LCP2: variants seen among roughly 807,000 people sequenced by gnomAD.
LCP2 encodes the protein lymphocyte cytosolic protein 2.
LCP2 carries 29 observed loss-of-function variants against 74.5 expected under a neutral mutation model. The observed-to-expected ratio is 0.39, with a 90% CI of 0.29 to 0.53. The LOEUF (loss-of-function observed/expected upper bound fraction) is 0.53. Ranked by LOEUF, LCP2 falls within the 20% of genes least tolerant of loss-of-function variation. LCP2 has a pLI of 0.72. For missense variants in LCP2, 604 were observed against 634.6 expected, an observed-to-expected ratio of 0.95 and a Z score of 0.52; for synonymous variants, 228 against 229.5, an observed-to-expected ratio of 0.99 and a Z score of 0.06.
chr5:170,252,011 C>A, intron 19 of LCP2: 1 of 197,140 alleles, frequency 5.1e-6, no homozygotes, highest in Non-Finnish European at 1.1e-5. Context: ...ACGTCTAGGG[C>A]AAAAAGCAAA....
In LCP2 at chr5:170,262,831, A is replaced by T. The variant is rs771615757; in HGVS notation, c.818+11T>A. The T allele has an allele frequency of 7.4e-6, 12 of 1,614,048 alleles. No homozygotes were observed. Among genetic ancestry groups the T allele is most frequent in the Non-Finnish European group, 1.0e-5 (12 of 1,179,892 alleles). The stretch of plus-strand genomic sequence containing the variant: ...GTCCCATGTACCCTCATGTAGATGC[A>T]ACAGTCTTACCTTCCCGCTGGAATC... On this transcript the variant is annotated intron_variant, in intron 12 of 20. Coordinates refer to ENST00000046794, the MANE Select transcript of LCP2 (RefSeq NM_005565.5).
At chr5:170,250,153 T>C (rs1427525930) in intron 20 of LCP2, among the ~76,000 whole-genome samples, 1 of 152,226 alleles carries the variant, frequency 6.6e-6, no homozygotes, top group African/African-American at 2.4e-5. Context: ...CTTCAGTTGT[T>C]AGTTTCCTTT....
At chr5:170,255,381 G>A (rs1223606143) in intron 17 of LCP2, among the ~76,000 whole-genome samples, 1 of 152,166 alleles carries the variant, frequency 6.6e-6, no homozygotes, top group Non-Finnish European at 1.5e-5. Flanking sequence ...TACTAACATA[G>A]TTTTCTACTG....
At position 170,250,737 on chromosome 5, in the gene LCP2, C is replaced by A. The variant is rs1234448453; in HGVS notation, c.1472G>T (p.Gly491Val). 6.2e-7 allele frequency: 1 copy of A among 1,613,022 alleles called. No homozygotes were observed. Among genetic ancestry groups the A allele is most frequent in the Admixed American group, 1.7e-5 (1 of 60,018 alleles). ...QVYLLGTGLR[G>V]KEDFLSVSDI... ...GAAATTTGAAATCCTTACCTCTTTC[C>A]CTCGGAGTCCAGTTCCCAACAAGTA... The change falls in exon 20 of 21, where the codon GGG becomes GTG. Residue 491 changes from glycine (G) to valine (V), a missense_variant. By Grantham distance (109) the Gly-to-Val change is moderately radical (BLOSUM62 -3). Transcript: ENST00000046794.
At chr5:170,262,563 G>A in intron 13 of LCP2, 72 bp downstream of exon 13, 3 of 1,161,848 alleles carry the variant, frequency 2.6e-6, no homozygotes, top group Non-Finnish European at 3.7e-6. Flanking sequence ...GGTTCCCACT[G>A]CAGAGTCAGC....
chr5:170,250,122 A>G (rs1581054792), intron 20 of LCP2, among the ~76,000 whole-genome samples: 1 of 152,300 alleles, frequency 6.6e-6, no homozygotes, highest in East Asian at 1.9e-4. Context: ...CTTTGAACTT[A>G]GAGTATGTTT....
chr5:170,275,988 T>A, intron 3 of LCP2, 128 bp from the exon 4 acceptor site: 1 of 716,348 alleles, frequency 1.4e-6, no homozygotes, highest in East Asian at 2.7e-5. Context: ...GGCTCCTCTT[T>A]GTCACCTCTG....
chr5:170,262,390 A>T (rs1275035304), intron 13 of LCP2, among the ~76,000 whole-genome samples: 1 of 152,242 alleles, frequency 6.6e-6, no homozygotes, highest in Non-Finnish European at 1.5e-5. Flanking sequence ...TAAAAACAGC[A>T]GTCACCCCTT....
chr5:170,285,184 C>A (rs1223796629), intron 3 of LCP2, among the ~76,000 whole-genome samples: 1 of 152,228 alleles, frequency 6.6e-6, no homozygotes, highest in Non-Finnish European at 1.5e-5. Context: ...TAATCCCAAG[C>A]AGTGTATTTC....
chr5:170,251,522 T>C (rs1376089288), intron 19 of LCP2: 1 of 366,112 alleles, frequency 2.7e-6, no homozygotes, highest in South Asian at 2.0e-5. Flanking sequence ...AAAGATCTAA[T>C]ATTAAAATAG....
intron 12 of LCP2, 50 bp from the exon 13 acceptor site, chr5:170,262,792 G>C: frequency 1.2e-6 from 2 of 1,613,210 alleles, no homozygotes; most frequent in South Asian, 2.2e-5. Context: ...TGCCGAGGCA[G>C]AGTTCTACAG....
chr5:170,256,434 A>G lies in LCP2; in HGVS notation c.1150+92T>C. On this transcript the variant is annotated intron_variant, in intron 17 of 20. Coordinates refer to ENST00000046794, the MANE Select transcript of LCP2 (RefSeq NM_005565.5). The surrounding 1 kb of genome is among the most constrained non-coding windows in gnomAD (Gnocchi z 4.5). ...AAATCAGATGCTTTTAGGAAACAAT[A>G]AAACCTTTGTCGAAAGCTTTTGGGA... 9.7e-7 allele frequency: 1 copy of G among 1,026,966 alleles called. No homozygotes were observed. Among genetic ancestry groups the G allele is most frequent in the Non-Finnish European group, 1.5e-6 (1 of 651,056 alleles). The allele number at this position is 1,026,966 out of a possible 1,614,324, so 63.6% of individuals were successfully genotyped here.
At chr5:170,295,918 G>A (rs35971362) in intron 1 of LCP2, among the ~76,000 whole-genome samples, 8,196 of 152,206 alleles carry the variant, frequency 0.054, 301 homozygotes, top group Admixed American at 0.072. Context: ...AGCTCAGGCA[G>A]TGAGGTCTTC....
chr5:170,265,834 C>T (rs917396822), intron 10 of LCP2, among the ~76,000 whole-genome samples: 1 of 152,162 alleles, frequency 6.6e-6, no homozygotes, highest in Non-Finnish European at 1.5e-5. Flanking sequence ...GGATTCTGGG[C>T]TCCTTTCCGT....
chr5:170,248,918 A>C, intron 20 of LCP2, 99 bp from the exon 21 acceptor site: 4 of 1,187,328 alleles, frequency 3.4e-6, no homozygotes, highest in Non-Finnish European at 4.9e-6. Context: ...TGCCTCTTCA[A>C]GTGATGAGGA....
At chr5:170,290,711 C>T (rs1032922266) in intron 2 of LCP2, among the ~76,000 whole-genome samples, 1 of 152,268 alleles carries the variant, frequency 6.6e-6, no homozygotes, top group East Asian at 1.9e-4. Context: ...CCCTGGCACC[C>T]GCCTATACAT....
chr5:170,284,669 C>T (rs189578432), intron 3 of LCP2, among the ~76,000 whole-genome samples: 43 of 152,022 alleles, frequency 2.8e-4, no homozygotes, highest in African/African-American at 4.6e-4. Flanking sequence ...TCTCCTTCCC[C>T]GCTCACATAC....
At chr5:170,295,099 C>T (rs184969075) in intron 1 of LCP2, among the ~76,000 whole-genome samples, 4 of 152,248 alleles carry the variant, frequency 2.6e-5, no homozygotes, top group Non-Finnish European at 5.9e-5. Context: ...GGGATACCAG[C>T]TGGGACCCCA....
Position 170,248,802 on chromosome 5 carries a change from T to TGAC in LCP2, c.1494_1496dup (p.Ser499dup). The TGAC allele has an allele frequency of 6.2e-7, 1 of 1,612,488 alleles. No homozygotes were observed. Among genetic ancestry groups the TGAC allele is most frequent in the Non-Finnish European group, 8.5e-7 (1 of 1,179,092 alleles). On this transcript the variant is annotated inframe_insertion, in exon 21 of 21. Transcript: ENST00000046794. ...TTTTCCTGAAGTAGTCAATAATATCTGACACAGACAGAAAGTCCTGAAAGA... is the reference window on the plus strand; with the variant it reads ...TTTTCCTGAAGTAGTCAATAATATCTGACGACACAGACAGAAAGTCCTGAAAGA...
Sources: gnomAD v4.1 joint callset for allele counts (sites outside exome capture counted in the v4.1 genomes callset) on GRCh38, gnomAD v4.1.1 for gene constraint, Gnocchi (gnomAD v3.1) non-coding constraint, MANE v1.5 for transcripts, NCBI Gene and HGNC (gene_info 2026-07-23, HGNC 2026-07-21) for gene names.